ACSM5: variants seen among roughly 807,000 people sequenced by gnomAD.
The protein encoded by ACSM5 is acyl-coenzyme A synthetase ACSM5, mitochondrial.
ACSM5 carries 56 observed loss-of-function variants against 71.6 expected under a neutral mutation model. The ratio of observed to expected loss-of-function variants is 0.78; its 90% CI spans 0.63 to 0.98. The LOEUF is 0.98. Ranked by LOEUF, ACSM5 falls within the 50% of genes least tolerant of loss-of-function variation. The pLI, the probability that ACSM5 is intolerant of heterozygous loss-of-function variation, is 0.00. For synonymous variants in ACSM5, 285 were observed against 281.5 expected (o/e 1.01, Z -0.12); for missense variants, 723 against 726.0 (o/e 1.00, Z 0.05).
intron 7 of ACSM5, among the ~76,000 whole-genome samples, chr16:20,428,179 C>T (rs1035282172): frequency 1.3e-5 from 2 of 152,200 alleles, no homozygotes; most frequent in Non-Finnish European, 2.9e-5. Flanking sequence ...ATAGGCTTCT[C>T]CTCACACCAT....
intron 1 of ACSM5, among the ~76,000 whole-genome samples, chr16:20,409,935 T>TGA (rs1966844415): frequency 7.4e-6 from 1 of 134,748 alleles, no homozygotes; most frequent in African/African-American, 2.9e-5. Context: ...GCGGGAGAGG[T>TGA]GGGTCAGAGA....
chr16:20,422,747 T>G (rs1966903586), intron 5 of ACSM5, among the ~76,000 whole-genome samples: 1 of 152,148 alleles, frequency 6.6e-6, no homozygotes, highest in Admixed American at 6.5e-5. Context: ...GCAAGCATGG[T>G]AGCTTGCCCG....
At chr16:20,431,377 C>T in intron 10 of ACSM5, 56 bp downstream of exon 10, 1 of 1,353,388 alleles carries the variant, frequency 7.4e-7, no homozygotes, top group African/African-American at 1.4e-5. Context: ...AAGCATTGTG[C>T]ACCACACTTT....
rs1433404552 is a variant in ACSM5, at chr16:20,440,437, C to T, written c.*10C>T. ...GGAGTGGGGGAAATGAGGTGCACCCCAGGAAGGCCCCGTAGACCTCCGAAG... is the reference window on the plus strand; with the variant it reads ...GGAGTGGGGGAAATGAGGTGCACCCTAGGAAGGCCCCGTAGACCTCCGAAG... On this transcript the variant is annotated 3_prime_UTR_variant, in exon 14 of 14. Transcript: ENST00000331849. 1.2e-6 allele frequency: 2 copies of T among 1,607,760 alleles called. No homozygotes were observed. Among genetic ancestry groups the T allele is most frequent in the African/African-American group, 1.3e-5 (1 of 74,940 alleles).
At chr16:20,420,718 T>C (rs1966874783) in intron 4 of ACSM5, among the ~76,000 whole-genome samples, 1 of 152,204 alleles carries the variant, frequency 6.6e-6, no homozygotes, top group African/African-American at 2.4e-5. Context: ...TAAGAAAACA[T>C]TAAAGATTCT....
chr16:20,424,244 G>C (rs1281020048), intron 6 of ACSM5, among the ~76,000 whole-genome samples, 175 bp downstream of exon 6: 2 of 152,066 alleles, frequency 1.3e-5, no homozygotes, highest in African/African-American at 2.4e-5. Context: ...TTCAATCATT[G>C]CCTATGCTCT....
At chr16:20,435,339 G>A (rs576916126) in intron 10 of ACSM5, among the ~76,000 whole-genome samples, 1 of 152,240 alleles carries the variant, frequency 6.6e-6, no homozygotes, top group Admixed American at 6.5e-5. Context: ...GGCCGATTAA[G>A]TCTTTCTTTC....
chr16:20,437,707 C>T (rs1342339126), intron 12 of ACSM5, among the ~76,000 whole-genome samples: 5 of 149,256 alleles, frequency 3.3e-5, no homozygotes, highest in Non-Finnish European at 7.4e-5. Context: ...ACATAGCAAG[C>T]ACACCAGTAA....
chr16:20,429,635 G>C (rs1358541789), intron 7 of ACSM5, 43 bp from the exon 8 acceptor site: 1 of 1,612,370 alleles, frequency 6.2e-7, no homozygotes, highest in African/African-American at 1.3e-5. Context: ...GGGGTGATAT[G>C]AAGATCCTGA....
intron 12 of ACSM5, among the ~76,000 whole-genome samples, chr16:20,438,662 G>A (rs930090135): frequency 6.6e-6 from 1 of 151,554 alleles, no homozygotes; most frequent in African/African-American, 2.4e-5. Context: ...TGTAGAAAGT[G>A]CCCAACACAT....
chr16:20,439,539 C>G (rs1967272103), intron 12 of ACSM5, among the ~76,000 whole-genome samples: 1 of 151,142 alleles, frequency 6.6e-6, no homozygotes, highest in Non-Finnish European at 1.5e-5. Flanking sequence ...CAAATGGTGT[C>G]ATTCCAAGTA....
intron 2 of ACSM5, among the ~76,000 whole-genome samples, chr16:20,414,715 A>G (rs1417129883): frequency 6.6e-6 from 1 of 152,324 alleles, no homozygotes; most frequent in Non-Finnish European, 1.5e-5. Flanking sequence ...TAGGTTTGGA[A>G]TTAGGTGATG....
intron 4 of ACSM5, chr16:20,421,021 A>G (rs112445592): frequency 0.04 from 13,384 of 334,054 alleles, 329 homozygotes; most frequent in South Asian, 0.067. Context: ...GAAAGCATGG[A>G]CTCTTTTGCG....
chr16:20,427,918 G>A (rs1967021748), intron 7 of ACSM5, 51 bp downstream of exon 7: 5 of 1,286,858 alleles, frequency 3.9e-6, no homozygotes, highest in East Asian at 2.3e-5. Context: ...TGAATATATA[G>A]CATGGGTATC....
chr16:20,439,904 C>G lies in ACSM5; in HGVS notation c.1641C>G (p.Tyr547Ter), dbSNP rs112527433. 6.2e-7 allele frequency: 1 copy of G among 1,612,264 alleles called. No homozygotes were observed. Among genetic ancestry groups the G allele is most frequent in the Non-Finnish European group, 8.5e-7 (1 of 1,178,784 alleles). ...ATGTGAAAAGGGTGACTGCTCCATA[C>G]AAATACCCCAGGAAGGTAAATATCA... Reference protein sequence around the residue: ...QEHVKRVTAPYKYPRKVAFVS... With the variant: ...QEHVKRVTAP Residue 547 changes from tyrosine (Y) to a stop codon, truncating the protein, a stop_gained, in exon 13 of 14, where the codon TAC becomes TAG. Coordinates refer to ENST00000331849, the MANE Select transcript of ACSM5 (RefSeq NM_017888.3). LOFTEE classifies it high-confidence loss of function.
intron 7 of ACSM5, among the ~76,000 whole-genome samples, chr16:20,428,901 A>G (rs1967041778): frequency 1.3e-5 from 2 of 152,114 alleles, no homozygotes; most frequent in South Asian, 4.1e-4. Context: ...CAGAGAGGGC[A>G]TTTTGCAACA....
intron 6 of ACSM5, among the ~76,000 whole-genome samples, chr16:20,425,586 C>T (rs1361025502): frequency 6.6e-6 from 1 of 152,158 alleles, no homozygotes; most frequent in Non-Finnish European, 1.5e-5. Flanking sequence ...CCCCTTCCCA[C>T]CATTTTCCCC....
In ACSM5 at chr16:20,419,365, T is replaced by A; in HGVS notation, c.553T>A (p.Ser185Thr). Residue 185 changes from serine (S) to threonine (T), a missense_variant, in exon 4 of 14, where the codon TCC (serine) becomes ACC (threonine). Coordinates refer to ENST00000331849, the MANE Select transcript of ACSM5 (RefSeq NM_017888.3). ...RVDAISAECP[S>T]LQTKLLVSDS... is the part of the protein sequence containing the mutation. ...GGATGCCATCAGTGCCGAATGCCCC[T>A]CCCTCCAGACCAAGCTGCTGGTGTC... The A allele has an allele frequency of 6.2e-7, 1 of 1,614,104 alleles. No homozygotes were observed. Among genetic ancestry groups the A allele is most frequent in the Non-Finnish European group, 8.5e-7 (1 of 1,180,018 alleles).
In ACSM5 at chr16:20,419,628, G is replaced by C. The variant is rs571979942; in HGVS notation, c.623+193G>C. On this transcript the variant is annotated intron_variant, in intron 4 of 13. Transcript: ENST00000331849. ...CAAGGTCCCTCATTCAGTCAGTGCTGGATTTGTCAGCAGCTTTTCTGTGCT... is the reference window on the plus strand; with the variant it reads ...CAAGGTCCCTCATTCAGTCAGTGCTCGATTTGTCAGCAGCTTTTCTGTGCT... The C allele has an allele frequency of 5.0e-6, 3 of 602,184 alleles. No homozygotes were observed. The East Asian group carries it at 8.4e-5, about 17-fold the overall frequency. The allele number at this position is 602,184 out of a possible 1,614,324, so 37.3% of individuals were successfully genotyped here. A position where few individuals can be genotyped will look rare whatever the true frequency, so the allele number is the denominator to read the frequency against.
Sources: gnomAD v4.1 joint callset for allele counts (sites outside exome capture counted in the v4.1 genomes callset) on GRCh38, gnomAD v4.1.1 for gene constraint, MANE v1.5 for transcripts, NCBI Gene and HGNC (gene_info 2026-07-23, HGNC 2026-07-21) for gene names.